The following ATOSA variants were observed in gnomAD, a reference collection of about 807,000 sequenced individuals.
The protein encoded by ATOSA is atos homolog A.
At chr15:52,644,126 G>A in the ATOSA span, among the ~76,000 whole-genome samples, 1 of 148,320 alleles carries the variant, frequency 6.7e-6, no homozygotes, top group African/African-American at 2.5e-5. Context: ...GTCTTTCTAT[G>A]TTGCCAGGCT....
chr15:52,653,638 A>G, the ATOSA span, among the ~76,000 whole-genome samples: 1 of 152,216 alleles, frequency 6.6e-6, no homozygotes, highest in Admixed American at 6.5e-5. Flanking sequence ...ATATAAGATT[A>G]TTATACCATT....
chr15:52,679,837 C>T, the ATOSA span, among the ~76,000 whole-genome samples: 1 of 138,340 alleles, frequency 7.2e-6, no homozygotes, highest in Non-Finnish European at 1.6e-5. Context: ...TCCTCCTCCT[C>T]CTCCCGGGAT....
chr15:52,637,845 A>G, the ATOSA span, among the ~76,000 whole-genome samples: 2 of 152,206 alleles, frequency 1.3e-5, no homozygotes, highest in Admixed American at 6.5e-5. Context: ...GTGACTTCCT[A>G]TAAGATGGAA....
chr15:52,660,070 G>A, the ATOSA span, among the ~76,000 whole-genome samples: 2 of 152,110 alleles, frequency 1.3e-5, no homozygotes, highest in Non-Finnish European at 2.9e-5. Flanking sequence ...TTTTTTAAGC[G>A]TGAATTTTGT....
the ATOSA span, among the ~76,000 whole-genome samples, chr15:52,583,682 G>A: frequency 0.017 from 2,659 of 152,210 alleles, 82 homozygotes; most frequent in African/African-American, 0.061. Context: ...CACCGTGCCC[G>A]GCTATACCAT....
the ATOSA span, among the ~76,000 whole-genome samples, chr15:52,668,506 G>C: frequency 6.6e-6 from 1 of 152,224 alleles, no homozygotes; most frequent in South Asian, 2.1e-4. Flanking sequence ...GGATGACTAA[G>C]GATAACCCTA....
chr15:52,607,341 T>C, the ATOSA span, among the ~76,000 whole-genome samples: 1 of 152,214 alleles, frequency 6.6e-6, no homozygotes, highest in South Asian at 2.1e-4. Flanking sequence ...AATACAAATT[T>C]GATTTCTGAC....
chr15:52,654,581 C>A, the ATOSA span, among the ~76,000 whole-genome samples: 1 of 152,128 alleles, frequency 6.6e-6, no homozygotes, highest in Non-Finnish European at 1.5e-5. Context: ...CCTGCTCCTC[C>A]GGAACACACT....
chr15:52,669,460 G>A, the ATOSA span, among the ~76,000 whole-genome samples: 1 of 152,084 alleles, frequency 6.6e-6, no homozygotes. Flanking sequence ...AAGTAGAAAT[G>A]GCCAATGATC....
chr15:52,648,928 GAAGA>G, the ATOSA span: 1 of 152,084 alleles, frequency 6.6e-6, no homozygotes, highest in Non-Finnish European at 1.5e-5. Flanking sequence ...GGAATCCAGT[GAAGA>G]AAGAACAGAA....
the ATOSA span, chr15:52,590,858 G>A: frequency 6.6e-6 from 1 of 152,186 alleles, no homozygotes; most frequent in South Asian, 2.1e-4. Flanking sequence ...AAATGGGATA[G>A]TTGACTCAAG....
At chr15:52,604,020 TGATA>T in the ATOSA span, among the ~76,000 whole-genome samples, 3 of 152,232 alleles carry the variant, frequency 2.0e-5, no homozygotes, top group Admixed American at 6.5e-5. Context: ...AGCCTTGAAG[TGATA>T]GATAATCCAT....
the ATOSA span, among the ~76,000 whole-genome samples, chr15:52,589,433 A>G: frequency 6.6e-6 from 1 of 152,200 alleles, no homozygotes; most frequent in African/African-American, 2.4e-5. Flanking sequence ...CCTCCCCACC[A>G]AATACATACA....
chr15:52,647,731 C>T, the ATOSA span, among the ~76,000 whole-genome samples: 3 of 152,166 alleles, frequency 2.0e-5, no homozygotes, highest in Non-Finnish European at 2.9e-5. Context: ...GGTGTCAGTA[C>T]ACACGAGTGT....
the ATOSA span, chr15:52,593,527 C>G: frequency 1.1e-5 from 17 of 1,478,704 alleles, no homozygotes; most frequent in East Asian, 4.3e-4. Flanking sequence ...TTAAATTTGT[C>G]ATTAAGTTGG....
At chr15:52,584,090 GAA>G in the ATOSA span, among the ~76,000 whole-genome samples, 393 of 41,876 alleles carry the variant, frequency 9.4e-3, no homozygotes, top group African/African-American at 0.025. Flanking sequence ...GTCTCAAGAA[GAA>G]AAAAAAAAAA....
chr15:52,658,017 T>C, the ATOSA span: 1 of 152,202 alleles, frequency 6.6e-6, no homozygotes, highest in African/African-American at 2.4e-5. Context: ...AAGTCACTGC[T>C]CCATCTGACA....
At chr15:52,611,176 A>G in the ATOSA span, 1 of 1,613,984 alleles carries the variant, frequency 6.2e-7, no homozygotes, top group Non-Finnish European at 8.5e-7. Context: ...ACACTCAGCC[A>G]TGCACTTAAC....
chr15:52,628,260 T>C, the ATOSA span, among the ~76,000 whole-genome samples: 43 of 152,322 alleles, frequency 2.8e-4, no homozygotes, highest in African/African-American at 9.9e-4. Context: ...TTAAGACTAA[T>C]AGTATTTTAT....
Sources: gnomAD v4.1 joint callset for allele counts (sites outside exome capture counted in the v4.1 genomes callset) on GRCh38, gnomAD v4.1.1 for gene constraint, MANE v1.5 for transcripts, NCBI Gene and HGNC (gene_info 2026-07-23, HGNC 2026-07-21) for gene names.